LARGE1: variants seen among roughly 807,000 people sequenced by gnomAD.
The protein encoded by LARGE1 is LARGE xylosyl- and glucuronyltransferase 1.
In LARGE1, 43 loss-of-function variants were observed where a neutral mutation model predicts 87.6. That is an observed-to-expected ratio of 0.49 (90% CI 0.38 to 0.63). The LOEUF (loss-of-function observed/expected upper bound fraction) is 0.63, where lower values mean the gene tolerates loss of function less well. Among genes scored for constraint, LARGE1 ranks in the 30% least tolerant of loss-of-function variants. LARGE1 has a pLI of 0.00. For missense variants in LARGE1, 802 were observed against 1,000.2 expected (o/e 0.80, Z 2.67); for synonymous variants, 434 against 394.6 (o/e 1.10, Z -1.18).
chr22:33,549,330 T>G (rs2077454041), intron 6 of LARGE1, among the ~76,000 whole-genome samples: 1 of 152,244 alleles, frequency 6.6e-6, no homozygotes, highest in Non-Finnish European at 1.5e-5. Flanking sequence ...TGTGTCTTCT[T>G]GATAGTCATA....
intron 1 of LARGE1, among the ~76,000 whole-genome samples, chr22:33,882,112 G>A (rs1240618728): frequency 2.7e-5 from 4 of 147,390 alleles, no homozygotes; most frequent in South Asian, 2.1e-4. Flanking sequence ...GCACGATCTC[G>A]GCTCACCGCA....
chr22:33,302,204 G>T (rs1934241842), intron 12 of LARGE1, among the ~76,000 whole-genome samples: 1 of 152,190 alleles, frequency 6.6e-6, no homozygotes, highest in South Asian at 2.1e-4. Context: ...GGCCACATGG[G>T]GGCACCCTGG....
At chr22:33,758,300 G>A (rs765785990) in intron 2 of LARGE1, among the ~76,000 whole-genome samples, 1 of 152,106 alleles carries the variant, frequency 6.6e-6, no homozygotes, top group Non-Finnish European at 1.5e-5. Flanking sequence ...GATTTGAACG[G>A]GCACTGTCAC....
intron 4 of LARGE1, among the ~76,000 whole-genome samples, chr22:33,605,910 G>T (rs1374028837): frequency 6.6e-6 from 1 of 152,184 alleles, no homozygotes; most frequent in African/African-American, 2.4e-5. Flanking sequence ...AGAAGGACGT[G>T]TAAGAGGAGA....
At chr22:33,839,330 G>C (rs114454389) in intron 1 of LARGE1, among the ~76,000 whole-genome samples, 1,682 of 152,266 alleles carry the variant, frequency 0.011, 29 homozygotes, top group African/African-American at 0.035. Context: ...TCATCACCAA[G>C]GGGTCAGTGC....
At chr22:33,407,425 T>C (rs1365366299) in intron 7 of LARGE1, among the ~76,000 whole-genome samples, 1 of 152,228 alleles carries the variant, frequency 6.6e-6, no homozygotes, top group African/African-American at 2.4e-5. Context: ...TCCCTTTCCC[T>C]CTATTTCTTG....
intron 2 of LARGE1, among the ~76,000 whole-genome samples, chr22:33,664,974 G>A (rs1029201667): frequency 3.3e-5 from 5 of 152,100 alleles, no homozygotes; most frequent in African/African-American, 9.7e-5. Context: ...TTATCTTTCC[G>A]ACCTCAAAAT....
At chr22:33,860,984 T>C (rs1353460963) in intron 1 of LARGE1, among the ~76,000 whole-genome samples, 1 of 152,126 alleles carries the variant, frequency 6.6e-6, no homozygotes, top group East Asian at 1.9e-4. Flanking sequence ...AAGCCTGCAC[T>C]CCTGGGCACT....
At chr22:33,394,572 G>C (rs1029638653) in intron 7 of LARGE1, among the ~76,000 whole-genome samples, 2 of 152,134 alleles carry the variant, frequency 1.3e-5, no homozygotes, top group Admixed American at 6.5e-5. Flanking sequence ...AAGAAACTAA[G>C]GTAGACAGAA....
intron 11 of LARGE1, among the ~76,000 whole-genome samples, chr22:33,258,951 C>T (rs1391551297): frequency 6.6e-6 from 1 of 151,308 alleles, no homozygotes; most frequent in African/African-American, 2.4e-5. Context: ...GATCTTGGCT[C>T]ACTGCAACCT....
intron 10 of LARGE1, among the ~76,000 whole-genome samples, chr22:33,323,159 C>CA (rs1354818914): frequency 6.6e-6 from 1 of 151,978 alleles, no homozygotes; most frequent in Non-Finnish European, 1.5e-5. Flanking sequence ...AAAACAACAA[C>CA]AAAAAACAAA....
intron 1 of LARGE1, among the ~76,000 whole-genome samples, chr22:33,897,224 T>G (rs1354853415): frequency 6.6e-6 from 1 of 152,226 alleles, no homozygotes; most frequent in African/African-American, 2.4e-5. Flanking sequence ...GCAAAGCAGC[T>G]GGCTACCACA....
At chr22:33,378,599 G>T (rs1283019937) in intron 9 of LARGE1, among the ~76,000 whole-genome samples, 1 of 152,132 alleles carries the variant, frequency 6.6e-6, no homozygotes, top group Non-Finnish European at 1.5e-5. Flanking sequence ...TACCTATTGA[G>T]AAAAACCACT....
upstream of LARGE1, among the ~76,000 whole-genome samples, chr22:33,921,015 T>C (rs1015849109): frequency 4.0e-5 from 6 of 149,790 alleles, no homozygotes; most frequent in Non-Finnish European, 7.4e-5. This position sits in a 1 kb window ranked among gnomAD's most constrained non-coding sequence, Gnocchi z 4.1. Context: ...TGACTGTGTG[T>C]CTGTGTCATG....
chr22:33,147,413 T>C, the LARGE1 span, among the ~76,000 whole-genome samples: 1 of 152,210 alleles, frequency 6.6e-6, no homozygotes, highest in African/African-American at 2.4e-5. Context: ...AAAGACTTTA[T>C]ATTATTGAGT....
chr22:33,550,431 G>C (rs570155547), intron 6 of LARGE1, among the ~76,000 whole-genome samples: 6 of 152,184 alleles, frequency 3.9e-5, no homozygotes, highest in Non-Finnish European at 8.8e-5. Context: ...GCATAGGATA[G>C]AGGGAAGAGG....
At chr22:33,092,025 G>T in the LARGE1 span, among the ~76,000 whole-genome samples, 1 of 151,922 alleles carries the variant, frequency 6.6e-6, no homozygotes, top group East Asian at 1.9e-4. Flanking sequence ...TCAGCCTCTT[G>T]AGTAGCTGGG....
intron 6 of LARGE1, among the ~76,000 whole-genome samples, chr22:33,495,324 G>C (rs538811007): frequency 6.6e-6 from 1 of 152,152 alleles, no homozygotes; most frequent in Admixed American, 6.5e-5. Context: ...GCTTATTTAC[G>C]CTCTCCCAAG....
the LARGE1 span, among the ~76,000 whole-genome samples, chr22:33,080,951 T>TTCCA: frequency 0.38 from 57,360 of 149,184 alleles, 11,154 homozygotes; most frequent in East Asian, 0.42. Flanking sequence ...TCCATCTGTC[T>TTCCA]TCCATCCATC....
Sources: allele counts gnomAD v4.1 joint callset (sites outside exome capture counted in the v4.1 genomes callset), GRCh38; gene constraint gnomAD v4.1.1; non-coding constraint Gnocchi (gnomAD v3.1); transcripts MANE v1.5; gene names NCBI Gene and HGNC (gene_info 2026-07-23, HGNC 2026-07-21).